CNTNAP2: variants seen among roughly 807,000 people sequenced by gnomAD.
CNTNAP2 encodes the protein contactin associated protein 2.
Under a neutral mutation model 155.2 loss-of-function variants are expected in CNTNAP2, and 98 were observed. The observed-to-expected ratio is 0.63, with a 90% CI of 0.54 to 0.75. CNTNAP2 has a LOEUF of 0.75. CNTNAP2 is among the 30% of genes least tolerant of loss of function. The pLI is 0.00. For synonymous variants in CNTNAP2, 651 were observed against 631.2 expected (o/e 1.03, Z -0.47); for missense variants, 1,727 against 1,688.1 (o/e 1.02, Z -0.40).
chr7:148,318,945 G>A (rs753420558), intron 21 of CNTNAP2, among the ~76,000 whole-genome samples: 4 of 152,210 alleles, frequency 2.6e-5, no homozygotes, highest in African/African-American at 4.8e-5. Context: ...CATTTTCAAA[G>A]TTATCAGTAA....
At chr7:146,276,528 T>C (rs6946638) in intron 1 of CNTNAP2, among the ~76,000 whole-genome samples, 3,568 of 152,334 alleles carry the variant, frequency 0.023, 151 homozygotes, top group African/African-American at 0.082. Context: ...AAGCACAATT[T>C]GAAGCACTGG....
intron 10 of CNTNAP2, among the ~76,000 whole-genome samples, chr7:147,444,249 T>C (rs938318006): frequency 6.6e-6 from 1 of 152,164 alleles, no homozygotes; most frequent in Non-Finnish European, 1.5e-5. Context: ...AGAAAAACTG[T>C]GTAACAACTG....
intron 13 of CNTNAP2, among the ~76,000 whole-genome samples, chr7:147,869,732 T>G (rs1318821431): frequency 1.3e-5 from 2 of 151,800 alleles, no homozygotes; most frequent in African/African-American, 2.4e-5. Flanking sequence ...CTAGCCTCCT[T>G]GCTTGATAAA....
At chr7:148,114,287 T>C (rs1289575659) in intron 15 of CNTNAP2, among the ~76,000 whole-genome samples, 2 of 152,190 alleles carry the variant, frequency 1.3e-5, no homozygotes, top group Non-Finnish European at 2.9e-5. Flanking sequence ...GCAGCATTAG[T>C]TTTTATTTAT....
intron 13 of CNTNAP2, among the ~76,000 whole-genome samples, chr7:147,706,981 G>T (rs1475250949): frequency 3.3e-5 from 5 of 151,644 alleles, no homozygotes; most frequent in African/African-American, 7.3e-5. Context: ...ATTTCTGTTT[G>T]GTCCTTTTCT....
At chr7:147,894,528 A>G (rs2116735705) in intron 13 of CNTNAP2, among the ~76,000 whole-genome samples, 1 of 152,312 alleles carries the variant, frequency 6.6e-6, no homozygotes, top group Middle Eastern at 3.4e-3. Context: ...CTATTTCCTC[A>G]GCTGAAGAGC....
chr7:146,781,227 C>CAAAA lies in CNTNAP2; in HGVS notation c.208+6856_208+6859dup, dbSNP rs375760321. On this transcript the variant is annotated intron_variant, in intron 2 of 23. Coordinates refer to ENST00000361727, the MANE Select transcript of CNTNAP2 (RefSeq NM_014141.6). Reference sequence around the variant, plus strand: ...TGGGTGACAGAGCGAGACTCCATCTCAAAAAAAAAAAAACAAAAAAAAAAC... The same window carrying CAAAA: ...TGGGTGACAGAGCGAGACTCCATCTCAAAAAAAAAAAAAAAAACAAAAAAAAAAC... 1.2e-3 allele frequency among the ~76,000 whole-genome samples: 106 copies of CAAAA among 87,502 alleles called. 2 individuals are homozygous for CAAAA. The highest frequency in any genetic ancestry group is 4.1e-3 in the African/African-American group (98 of 23,808). 57.4% of individuals were successfully genotyped at this position (87,502 alleles called of 152,430 possible).
In CNTNAP2 at chr7:147,510,850, C is replaced by CGTATATATATATATATATAT. The variant is rs71527816; in HGVS notation, c.1777+24809_1777+24810insGTATATATATATATATATAT. On this transcript the variant is annotated intron_variant, in intron 11 of 23. Transcript: ENST00000361727. ...AGTGCTCCTGTGATGGGCCTACAAC[C>CGTATATATATATATATATAT]ATATATATATATATATATATAATGC... 2.1e-4 allele frequency among the ~76,000 whole-genome samples: 16 copies of CGTATATATATATATATATAT among 76,436 alleles called. 1 individual carries two copies. The highest frequency in any genetic ancestry group is 3.9e-4 in the Non-Finnish European group (16 of 41,354). The allele number at this position is 76,436 out of a possible 152,430, so 50.1% of individuals were successfully genotyped here.
intron 8 of CNTNAP2, among the ~76,000 whole-genome samples, chr7:147,246,865 T>A (rs1804081010): frequency 6.6e-6 from 1 of 152,146 alleles, no homozygotes; most frequent in South Asian, 2.1e-4. Context: ...AAATAGTTGC[T>A]AAAAACTTGT....
At position 148,099,991 on chromosome 7, in the gene CNTNAP2, C is replaced by T. The variant is rs191296720; in HGVS notation, c.2384-18127C>T. On this transcript the variant is annotated intron_variant, in intron 15 of 23. Transcript: ENST00000361727. ...GGGTTTAAGCAATTCTCTGCCTCAG[C>T]CTTCTGAATAGCTGGGATTACAGAC... Among the ~76,000 whole-genome samples, 5 of 150,942 alleles carry T rather than the reference C, an allele frequency of 3.3e-5. No individual in the cohort carries two copies. The East Asian group carries it at 5.9e-4, about 18-fold the overall frequency.
intron 1 of CNTNAP2, among the ~76,000 whole-genome samples, chr7:146,411,354 C>T (rs560731993): frequency 2.4e-4 from 37 of 152,088 alleles, no homozygotes; most frequent in Middle Eastern, 3.4e-3. Flanking sequence ...GACGGGGTTT[C>T]ACCATGTTGG....
intron 14 of CNTNAP2, among the ~76,000 whole-genome samples, chr7:147,959,164 T>C (rs1441973432): frequency 6.6e-6 from 1 of 152,198 alleles, no homozygotes; most frequent in African/African-American, 2.4e-5. Context: ...TCTTAGGAAC[T>C]TCAGCTACTC....
At chr7:146,525,532 TTATCTATC>T (rs71175655) in intron 1 of CNTNAP2, among the ~76,000 whole-genome samples, 2,778 of 147,950 alleles carry the variant, frequency 0.019, 24 homozygotes, top group African/African-American at 0.031. Context: ...TCTTTTCAGT[TTATCTATC>T]TATCTATCTA....
At chr7:147,208,271 C>A (rs1008847162) in intron 8 of CNTNAP2, among the ~76,000 whole-genome samples, 22 of 152,002 alleles carry the variant, frequency 1.4e-4, no homozygotes, top group Non-Finnish European at 2.2e-4. Flanking sequence ...TCTATTAGTT[C>A]TGTTTTGCCT....
chr7:147,592,625 A>G (rs1371539279), intron 12 of CNTNAP2, among the ~76,000 whole-genome samples: 1 of 152,124 alleles, frequency 6.6e-6, no homozygotes, highest in Non-Finnish European at 1.5e-5. Flanking sequence ...CAACATCTTC[A>G]AACTGTTTTC....
chr7:147,901,808 G>T, intron 13 of CNTNAP2, among the ~76,000 whole-genome samples: 1 of 152,126 alleles, frequency 6.6e-6, no homozygotes, highest in East Asian at 1.9e-4. Flanking sequence ...CTGTTGAGTT[G>T]CTTCTAATGT....
At chr7:147,330,428 G>A (rs911561021) in intron 9 of CNTNAP2, among the ~76,000 whole-genome samples, 18 of 152,144 alleles carry the variant, frequency 1.2e-4, no homozygotes, top group African/African-American at 3.9e-4. Context: ...AGATACTCTA[G>A]CAAATTATTG....
At chr7:148,008,693 T>C (rs1270445714) in intron 15 of CNTNAP2, among the ~76,000 whole-genome samples, 1 of 152,206 alleles carries the variant, frequency 6.6e-6, no homozygotes, top group African/African-American at 2.4e-5. Context: ...ATTTGTGTAG[T>C]TCAATTCATT....
At chr7:148,045,425 G>A (rs537964128) in intron 15 of CNTNAP2, among the ~76,000 whole-genome samples, 37 of 151,850 alleles carry the variant, frequency 2.4e-4, no homozygotes, top group Non-Finnish European at 4.4e-4. Context: ...TCCATGCAGC[G>A]GGAGGGGTCT....
Sources: allele counts gnomAD v4.1 joint callset (sites outside exome capture counted in the v4.1 genomes callset), GRCh38; gene constraint gnomAD v4.1.1; transcripts MANE v1.5; gene names NCBI Gene and HGNC (gene_info 2026-07-23, HGNC 2026-07-21).